Variants in ESRP1 observed in about 807,000 individuals in gnomAD.
ESRP1 encodes RNA-binding motif protein 35A.
ESRP1 carries 33 observed loss-of-function variants against 81.7 expected under a neutral mutation model. The observed-to-expected ratio is 0.40, with a 90% CI of 0.31 to 0.54. ESRP1 has a LOEUF of 0.54. Among genes scored for constraint, ESRP1 ranks in the 20% least tolerant of loss-of-function variants. The probability of loss-of-function intolerance (pLI) is 0.41; values close to 1 mark genes in which losing one functional copy is unlikely to be tolerated. For missense variants in ESRP1, 672 were observed against 833.1 expected, an observed-to-expected ratio of 0.81 and a Z score of 2.38; for synonymous variants, 320 against 303.3, an observed-to-expected ratio of 1.06 and a Z score of -0.57.
chr8:94,642,746 G>C (rs1182050924), intron 2 of ESRP1, among the ~76,000 whole-genome samples: 1 of 152,190 alleles, frequency 6.6e-6, no homozygotes, highest in Non-Finnish European at 1.5e-5. Context: ...GTGCTGACGG[G>C]TGCCGGATCG....
At chr8:94,646,528 A>T (rs1030474005) in intron 4 of ESRP1, 1 of 324,128 alleles carries the variant, frequency 3.1e-6, no homozygotes, top group Middle Eastern at 9.1e-4. Context: ...GTAGAATAGG[A>T]TTCAGTTTCA....
chr8:94,688,513 A>G, intron 13 of ESRP1: 2 of 218,572 alleles, frequency 9.2e-6, no homozygotes, highest in South Asian at 1.4e-4. Flanking sequence ...CCACGTCATC[A>G]GTTTGGTTTC....
Position 94,701,511 on chromosome 8 carries a change from G to T in ESRP1, c.*36-4414G>T, listed in dbSNP as rs75954192. ...TTCTGGGAAGGAGATTGGGTGTCGGGCTGGAAGAAATGCTTCCTCAGATCG... is the reference window on the plus strand; with the variant it reads ...TTCTGGGAAGGAGATTGGGTGTCGGTCTGGAAGAAATGCTTCCTCAGATCG... On this transcript the variant is annotated intron_variant, in intron 15 of 15. Transcript: ENST00000433389. Among the ~76,000 whole-genome samples the T allele has an allele frequency of 2.8e-4, 43 of 152,276 alleles. No individual in the cohort carries two copies. In the East Asian group the frequency reaches 4.8e-3, roughly 17 times the overall value.
rs1174740230 is a variant in ESRP1 at position 94,706,014 on chromosome 8, A to G, written c.*125A>G. On this transcript the variant is annotated 3_prime_UTR_variant, in exon 16 of 16. Coordinates refer to ENST00000433389, the MANE Select transcript of ESRP1 (RefSeq NM_017697.4). ...GGAAGTTTGTCTACACTCAGGCTGC[A>G]GTATTTTCAGCAAACTTGATTGGAC... 13 of 1,435,456 alleles carry G rather than the reference A, an allele frequency of 9.1e-6. No individual in the cohort carries two copies. Among genetic ancestry groups the G allele is most frequent in the African/African-American group, 8.7e-5 (6 of 68,818 alleles). 88.9% of individuals were successfully genotyped at this position (1,435,456 alleles called of 1,614,324 possible).
intron 14 of ESRP1, among the ~76,000 whole-genome samples, chr8:94,695,348 C>CTTTTTTTTTTTTTTTTTTTTTTTTT: frequency 1.6e-5 from 1 of 61,172 alleles, no homozygotes; most frequent in Non-Finnish European, 3.1e-5. Context: ...CTTTTTCTTT[C>CTTTTTTTTTTTTTTTTTTTTTTTTT]TTTTTTTTTT....
At chr8:94,660,324 C>T (rs1005927586) in intron 4 of ESRP1, among the ~76,000 whole-genome samples, 4 of 152,122 alleles carry the variant, frequency 2.6e-5, no homozygotes, top group Non-Finnish European at 2.9e-5. Context: ...CTAAATTGGC[C>T]GGGGTGGTGA....
intron 15 of ESRP1, among the ~76,000 whole-genome samples, chr8:94,697,370 A>T (rs576194236): frequency 6.6e-6 from 1 of 152,278 alleles, no homozygotes; most frequent in African/African-American, 2.4e-5. Context: ...GTTCTAAAAC[A>T]TTTTTGTCAC....
At chr8:94,662,480 C>T (rs1176126717) in intron 5 of ESRP1, 21 bp from the exon 6 acceptor site, 8 of 1,592,608 alleles carry the variant, frequency 5.0e-6, no homozygotes, top group South Asian at 1.2e-5. Context: ...AAAATGATGA[C>T]TTTTATGTTC....
chr8:94,682,442 C>T (rs552834679), intron 13 of ESRP1, among the ~76,000 whole-genome samples: 5 of 152,332 alleles, frequency 3.3e-5, no homozygotes, highest in African/African-American at 1.2e-4. Context: ...CCATGGCTCA[C>T]TGCAGCCTTG....
At chr8:94,701,289 AG>A (rs59557867) in intron 15 of ESRP1, among the ~76,000 whole-genome samples, 5,431 of 147,650 alleles carry the variant, frequency 0.037, 398 homozygotes, top group African/African-American at 0.12. Flanking sequence ...AAAAAAAAAA[AG>A]AATTGAGCGA....
rs142060178 is a variant in ESRP1 at position 94,680,227 on chromosome 8, G to A, written c.1820+1856G>A. Among the ~76,000 whole-genome samples the A allele has an allele frequency of 8.2e-4, 124 of 152,118 alleles. 1 individual carries two copies. Among genetic ancestry groups the A allele is most frequent in the Middle Eastern group, 6.8e-3 (2 of 294 alleles). ...AATTTTAAAAAGGAAGGTCAGGTGC[G>A]TTATATATAAGCTAATACTTCCAAA... On this transcript the variant is annotated intron_variant, in intron 13 of 15. Coordinates refer to ENST00000433389, the MANE Select transcript of ESRP1 (RefSeq NM_017697.4).
In ESRP1 at chr8:94,678,271, C is replaced by T; in HGVS notation, c.1720C>T (p.Gln574Ter). Residue 574 changes from glutamine (Q) to a stop codon, truncating the protein, a stop_gained, in exon 13 of 16, where the codon CAG (glutamine) becomes TAG (stop). Coordinates refer to ENST00000433389, the MANE Select transcript of ESRP1 (RefSeq NM_017697.4). LOFTEE classifies it high-confidence loss of function. ...AVIPTEAAIY[Q>*]PSVILNPRAL... ...TATTCCTACAGAAGCTGCCATTTAC[C>T]AGCCCTCTGTGATTTTGAATCCACG... is the stretch of plus-strand genomic sequence containing the variant. 2 of 1,613,974 alleles carry T rather than the reference C, an allele frequency of 1.2e-6. No homozygotes were observed. The highest frequency in any genetic ancestry group is 1.1e-5 in the South Asian group (1 of 91,076).
At chr8:94,655,083 G>GT (rs1818335914) in intron 4 of ESRP1, among the ~76,000 whole-genome samples, 1 of 146,598 alleles carries the variant, frequency 6.8e-6, no homozygotes, top group Non-Finnish European at 1.5e-5. Flanking sequence ...GTGTGTGTGT[G>GT]TGTGTTTTGT....
At chr8:94,643,921 ATCATT>A (rs1235821218) in intron 3 of ESRP1, among the ~76,000 whole-genome samples, 2 of 152,264 alleles carry the variant, frequency 1.3e-5, no homozygotes, top group African/African-American at 4.8e-5. Context: ...TGTATTTCTA[ATCATT>A]TCATTAAAAA....
At chr8:94,651,587 G>A (rs987757249) in intron 4 of ESRP1, among the ~76,000 whole-genome samples, 6 of 151,778 alleles carry the variant, frequency 4.0e-5, no homozygotes, top group Non-Finnish European at 7.4e-5. Context: ...GAAAAAGTAG[G>A]ACCATTTTGA....
At chr8:94,645,374 G>GTTT (rs1563515580) in intron 3 of ESRP1, among the ~76,000 whole-genome samples, 1 of 151,740 alleles carries the variant, frequency 6.6e-6, no homozygotes, top group Admixed American at 6.6e-5. Flanking sequence ...TCTGAATTGA[G>GTTT]TTTTTAAAAG....
intron 12 of ESRP1, among the ~76,000 whole-genome samples, chr8:94,677,940 T>C (rs1201521951): frequency 6.6e-6 from 1 of 152,138 alleles, no homozygotes; most frequent in East Asian, 1.9e-4. Context: ...TATTGTGAAA[T>C]GGTTGAGAAG....
chr8:94,684,091 C>G (rs2130688107), intron 13 of ESRP1, among the ~76,000 whole-genome samples: 2 of 152,306 alleles, frequency 1.3e-5, no homozygotes, highest in African/African-American at 4.8e-5. Flanking sequence ...AGGTGCTGTA[C>G]TAGCCTCGGC....
chr8:94,662,491 T>C lies in ESRP1; in HGVS notation c.590-10T>C. 6.3e-7 allele frequency: 1 copy of C among 1,599,210 alleles called. No homozygotes were observed. The highest frequency in any genetic ancestry group is 1.7e-5 in the Admixed American group (1 of 57,756). The stretch of plus-strand genomic sequence containing the variant: ...CACTAAAATGATGACTTTTATGTTC[T>C]CATTTTTAGATCACAGGTTTTCAGA... On this transcript the variant is annotated splice_polypyrimidine_tract_variant and intron_variant, in intron 5 of 15. Coordinates refer to ENST00000433389, the MANE Select transcript of ESRP1 (RefSeq NM_017697.4).
Sources: allele counts gnomAD v4.1 joint callset (sites outside exome capture counted in the v4.1 genomes callset), GRCh38; gene constraint gnomAD v4.1.1; transcripts MANE v1.5; gene names NCBI Gene and HGNC (gene_info 2026-07-23, HGNC 2026-07-21).